The following SH3BGR variants were observed in gnomAD, a reference collection of about 807,000 sequenced individuals.
The protein encoded by SH3BGR is SH3 domain binding glutamate rich protein.
Under a neutral mutation model 24.5 loss-of-function variants are expected in SH3BGR, and 29 were observed. The ratio of observed to expected loss-of-function variants is 1.18; its 90% confidence interval spans 0.88 to 1.61. The LOEUF (loss-of-function observed/expected upper bound fraction) is 1.61. Ranked by LOEUF, SH3BGR falls within the 40% of genes most tolerant of loss-of-function variation. SH3BGR has a pLI of 0.00. For missense variants in SH3BGR, 162 were observed against 205.8 expected (o/e 0.79, Z 1.30); for synonymous variants, 55 against 65.7 (o/e 0.84, Z 0.79).
At chr21:39,458,591 G>T (rs2077703629) in intron 1 of SH3BGR, among the ~76,000 whole-genome samples, 1 of 150,380 alleles carries the variant, frequency 6.6e-6, no homozygotes, top group Admixed American at 6.6e-5. Flanking sequence ...ACCTACCTTG[G>T]CCTCCCAAGA....
At chr21:39,457,114 A>G (rs1476021651) in intron 1 of SH3BGR, among the ~76,000 whole-genome samples, 1 of 147,502 alleles carries the variant, frequency 6.8e-6, no homozygotes, top group Non-Finnish European at 1.5e-5. Flanking sequence ...TATATTATAT[A>G]CCATATATAA....
intron 1 of SH3BGR, among the ~76,000 whole-genome samples, chr21:39,461,642 C>CA (rs2077756814): frequency 6.6e-6 from 1 of 152,108 alleles, no homozygotes; most frequent in Non-Finnish European, 1.5e-5. Context: ...GTGGTTTGAA[C>CA]AGTTGGCCGC....
chr21:39,509,079 CT>C (rs758268999), intron 5 of SH3BGR, 52 bp downstream of exon 5: 2 of 1,472,036 alleles, frequency 1.4e-6, no homozygotes, highest in South Asian at 2.5e-5. Flanking sequence ...ATAAAAACAT[CT>C]TTTAGGTGGG....
At chr21:39,475,389 A>T (rs1265529326) in intron 3 of SH3BGR, among the ~76,000 whole-genome samples, 174 bp downstream of exon 3, 1 of 152,242 alleles carries the variant, frequency 6.6e-6, no homozygotes, top group Non-Finnish European at 1.5e-5. Flanking sequence ...TTACTAAAAA[A>T]AGTTCCAAAA....
rs185793036 is a variant in SH3BGR at position 39,457,856 on chromosome 21, T to C, written c.46-4519T>C. 5.6e-3 allele frequency among the ~76,000 whole-genome samples: 858 copies of C among 151,910 alleles called. 9 individuals are homozygous for C. Among genetic ancestry groups the C allele is most frequent in the African/African-American group, 0.02 (810 of 41,388 alleles). ...GGAGAATCACTTGACCCTGGGGAGA[T>C]TGAGACTGCAGTGAGCCAAGATCGT... On this transcript the variant is annotated intron_variant, in intron 1 of 6. Coordinates refer to ENST00000333634, the MANE Select transcript of SH3BGR (RefSeq NM_007341.3).
chr21:39,490,278 G>A (rs2078277800), intron 3 of SH3BGR, among the ~76,000 whole-genome samples: 1 of 152,326 alleles, frequency 6.6e-6, no homozygotes, highest in Non-Finnish European at 1.5e-5. Flanking sequence ...AAAAGCATAA[G>A]AGAGAAGACA....
At chr21:39,505,207 A>G (rs1236513768) in intron 4 of SH3BGR, among the ~76,000 whole-genome samples, 1 of 152,166 alleles carries the variant, frequency 6.6e-6, no homozygotes, top group African/African-American at 2.4e-5. Context: ...TCAACATTTT[A>G]TGGGCAGATT....
intron 3 of SH3BGR, among the ~76,000 whole-genome samples, chr21:39,478,716 A>G (rs143750377): frequency 9.1e-4 from 138 of 151,740 alleles, no homozygotes; most frequent in African/African-American, 3.2e-3. Flanking sequence ...CCCATTTTCC[A>G]TATTTTTGTA....
rs1157228107 is a variant in SH3BGR at position 39,508,278 on chromosome 21, A to T, written c.406-720A>T. Among the ~76,000 whole-genome samples, 6 of 152,096 alleles carry T rather than the reference A, an allele frequency of 3.9e-5. No individual in the cohort carries two copies. In the East Asian group the frequency reaches 1.2e-3, roughly 29 times the overall value. On this transcript the variant is annotated intron_variant, in intron 4 of 6. Coordinates refer to ENST00000333634, the MANE Select transcript of SH3BGR (RefSeq NM_007341.3). The stretch of plus-strand genomic sequence containing the variant: ...CAATTGTGGCACTCTGGCTTCAGGG[A>T]GGTTTATCGGACCATTCTGGGAAGG...
At chr21:39,447,419 T>TC (rs1298797849), upstream of SH3BGR, among the ~76,000 whole-genome samples, 1 of 145,100 alleles carries the variant, frequency 6.9e-6, no homozygotes, top group Non-Finnish European at 1.5e-5. Context: ...GCTTTTGCTT[T>TC]TTTTTTTTTT....
At chr21:39,466,900 AT>A (rs56388428) in intron 2 of SH3BGR, among the ~76,000 whole-genome samples, 53 of 150,140 alleles carry the variant, frequency 3.5e-4, no homozygotes, top group Middle Eastern at 3.4e-3. Flanking sequence ...TTCAAAAGGG[AT>A]TTTTTTTTTG....
intron 3 of SH3BGR, among the ~76,000 whole-genome samples, chr21:39,495,610 A>G (rs973607521): frequency 7.2e-5 from 11 of 151,940 alleles, no homozygotes; most frequent in Non-Finnish European, 1.5e-4. Context: ...CTCCCAAGTA[A>G]CTGGTACTAT....
intron 3 of SH3BGR, among the ~76,000 whole-genome samples, chr21:39,482,725 G>A (rs1481892627): frequency 2.0e-5 from 3 of 152,040 alleles, no homozygotes; most frequent in South Asian, 2.1e-4. Flanking sequence ...GCTGGAATGC[G>A]GTTGCGCAGT....
chr21:39,506,041 A>G (rs554958625), intron 4 of SH3BGR, among the ~76,000 whole-genome samples: 2 of 152,220 alleles, frequency 1.3e-5, no homozygotes, highest in African/African-American at 2.4e-5. Context: ...TTGAGATCCA[A>G]AGAGTTACTA....
intron 6 of SH3BGR, among the ~76,000 whole-genome samples, chr21:39,514,237 C>T (rs867427188): frequency 7.9e-5 from 12 of 152,298 alleles, no homozygotes; most frequent in Admixed American, 2.0e-4. Context: ...TCTCATAACT[C>T]ATAGATTATC....
At chr21:39,466,325 T>C (rs1267048014) in intron 2 of SH3BGR, among the ~76,000 whole-genome samples, 5 of 152,244 alleles carry the variant, frequency 3.3e-5, no homozygotes, top group Non-Finnish European at 4.4e-5. Flanking sequence ...TGAACATCTT[T>C]TAAAACTACA....
chr21:39,451,482 T>A (rs2077573070), upstream of SH3BGR, among the ~76,000 whole-genome samples: 1 of 152,198 alleles, frequency 6.6e-6, no homozygotes, highest in South Asian at 2.1e-4. Flanking sequence ...AAGGCATTTC[T>A]ATTGTATGAC....
rs531052610 is a variant in SH3BGR, at chr21:39,510,231, C to T, written c.435+1204C>T. The stretch of plus-strand genomic sequence containing the variant: ...TGCTGGGATTACAGGCGTGAGCCAC[C>T]GCGCCCAGCCTTTGTTAACTTTTGA... On this transcript the variant is annotated intron_variant, in intron 5 of 6. Coordinates refer to ENST00000333634, the MANE Select transcript of SH3BGR (RefSeq NM_007341.3). Among the ~76,000 whole-genome samples the T allele has an allele frequency of 8.5e-5, 13 of 152,082 alleles. 1 individual carries two copies. The highest frequency in any genetic ancestry group is 2.2e-4 in the African/African-American group (9 of 41,450).
intron 4 of SH3BGR, among the ~76,000 whole-genome samples, chr21:39,503,561 C>T (rs115917785): frequency 0.014 from 2,153 of 152,246 alleles, 47 homozygotes; most frequent in African/African-American, 0.047. Flanking sequence ...CAGGGACAGG[C>T]TTATCTGATC....
Sources: allele counts gnomAD v4.1 joint callset (sites outside exome capture counted in the v4.1 genomes callset), GRCh38; gene constraint gnomAD v4.1.1; transcripts MANE v1.5; gene names NCBI Gene and HGNC (gene_info 2026-07-23, HGNC 2026-07-21).